EFNA5: variants seen among roughly 807,000 people sequenced by gnomAD.
EFNA5 encodes the protein ephrin-A5.
In EFNA5, 5 loss-of-function variants were observed where a neutral mutation model predicts 22.9. The ratio of observed to expected loss-of-function variants is 0.22; its 90% confidence interval spans 0.11 to 0.46. The LOEUF (loss-of-function observed/expected upper bound fraction) is 0.46, where lower values mean the gene tolerates loss of function less well. Among genes scored for constraint, EFNA5 ranks in the 20% least tolerant of loss-of-function variants. The pLI, the probability that EFNA5 is intolerant of heterozygous loss-of-function variation, is 0.99. For synonymous variants in EFNA5, 113 were observed against 112.2 expected, an observed-to-expected ratio of 1.01 and a Z score of -0.04; for missense variants, 237 against 293.3, an observed-to-expected ratio of 0.81 and a Z score of 1.40.
intron 2 of EFNA5, among the ~76,000 whole-genome samples, chr5:107,395,542 T>C (rs1267076522): frequency 2.0e-5 from 3 of 152,258 alleles, no homozygotes; most frequent in African/African-American, 7.2e-5. Context: ...TTATATATTT[T>C]ACTATTTTTA....
intron 1 of EFNA5, among the ~76,000 whole-genome samples, chr5:107,651,859 T>C (rs558361868): frequency 1.3e-5 from 2 of 152,272 alleles, no homozygotes; most frequent in East Asian, 1.9e-4. Flanking sequence ...TATTCTGTTA[T>C]ATTTACAAAG....
At chr5:107,483,419 A>G (rs922218383) in intron 1 of EFNA5, among the ~76,000 whole-genome samples, 3 of 152,166 alleles carry the variant, frequency 2.0e-5, no homozygotes, top group African/African-American at 7.2e-5. Flanking sequence ...GCTATAAGTC[A>G]CACTCCAGCT....
In EFNA5 at chr5:107,670,887, G is replaced by C; in HGVS notation, c.-274C>G. ...AGGAGGAAAAAGGAATCACAAGATG[G>C]AGAGAAGCGTGCGTGTGTGTGGTGG... On this transcript the variant is annotated 5_prime_UTR_variant, in exon 1 of 5. Transcript: ENST00000333274. 1 of 414,954 alleles carries C rather than the reference G, an allele frequency of 2.4e-6. No individual in the cohort carries two copies. Among genetic ancestry groups the C allele is most frequent in the Non-Finnish European group, 4.3e-6 (1 of 232,720 alleles). 25.7% of individuals were successfully genotyped at this position (414,954 alleles called of 1,614,324 possible).
intron 2 of EFNA5, among the ~76,000 whole-genome samples, chr5:107,389,929 G>C (rs887094027): frequency 3.3e-5 from 5 of 152,180 alleles, no homozygotes; most frequent in Non-Finnish European, 7.3e-5. Flanking sequence ...CTGATGCCTT[G>C]TGATACTGTG....
intron 1 of EFNA5, among the ~76,000 whole-genome samples, chr5:107,542,693 G>A (rs1252684234): frequency 1.3e-5 from 2 of 152,138 alleles, no homozygotes; most frequent in African/African-American, 4.8e-5. Flanking sequence ...TCATGCCTCT[G>A]GGCATCTTAG....
chr5:107,465,800 C>G (rs964606009), intron 1 of EFNA5, among the ~76,000 whole-genome samples: 4 of 151,732 alleles, frequency 2.6e-5, no homozygotes, highest in African/African-American at 9.7e-5. Context: ...GAAAAAGGCC[C>G]CTCACAAAGA....
chr5:107,450,514 G>A (rs1749531869), intron 1 of EFNA5, among the ~76,000 whole-genome samples: 1 of 152,130 alleles, frequency 6.6e-6, no homozygotes, highest in East Asian at 1.9e-4. Context: ...ATTCAAGAGC[G>A]CCTAATGCCT....
intron 1 of EFNA5, among the ~76,000 whole-genome samples, chr5:107,625,674 T>C (rs190130954): frequency 7.2e-5 from 11 of 152,234 alleles, no homozygotes; most frequent in Admixed American, 7.2e-4. Flanking sequence ...AATGTTAAGG[T>C]ATAAAATTAT....
chr5:107,580,891 C>T (rs959481020), intron 1 of EFNA5, among the ~76,000 whole-genome samples: 2 of 152,138 alleles, frequency 1.3e-5, no homozygotes, highest in African/African-American at 2.4e-5. Context: ...TTGTAGAAAT[C>T]ATGGATTTTA....
In EFNA5 at chr5:107,646,557, T is replaced by C. The variant is rs554464125; in HGVS notation, c.125+23932A>G. On this transcript the variant is annotated intron_variant, in intron 1 of 4. Coordinates refer to ENST00000333274, the MANE Select transcript of EFNA5 (RefSeq NM_001962.3). ...GAGGGATAGTAAAGGGTAATACTGA[T>C]TAAACATGTTGGTACTAGTTCTTCC... Among the ~76,000 whole-genome samples, 6 of 152,260 alleles carry C rather than the reference T, an allele frequency of 3.9e-5. No homozygotes were observed. The South Asian group carries it at 6.2e-4, about 16-fold the overall frequency.
intron 2 of EFNA5, among the ~76,000 whole-genome samples, chr5:107,405,896 GTATTTATATACA>G (rs1748197565): frequency 6.9e-6 from 1 of 145,596 alleles, no homozygotes; most frequent in Admixed American, 6.8e-5. Context: ...CATATTCTAT[GTATTTATATACA>G]TAGAATGTAT....
At chr5:107,542,290 T>C (rs978351964) in intron 1 of EFNA5, among the ~76,000 whole-genome samples, 1 of 152,160 alleles carries the variant, frequency 6.6e-6, no homozygotes, top group Non-Finnish European at 1.5e-5. Flanking sequence ...AAGGAAACTG[T>C]CAAAGAATAA....
intron 1 of EFNA5, among the ~76,000 whole-genome samples, chr5:107,654,648 A>G (rs968470554): frequency 6.6e-6 from 1 of 152,156 alleles, no homozygotes; most frequent in Non-Finnish European, 1.5e-5. Context: ...AGAATTTACA[A>G]CTGTCCAAAG....
chr5:107,587,381 G>A (rs1477927040), intron 1 of EFNA5, among the ~76,000 whole-genome samples: 1 of 152,136 alleles, frequency 6.6e-6, no homozygotes, highest in African/African-American at 2.4e-5. Context: ...AAAAGGAGAG[G>A]AAAAGTGGCA....
chr5:107,513,800 A>C (rs1344038341), intron 1 of EFNA5, among the ~76,000 whole-genome samples: 1 of 152,150 alleles, frequency 6.6e-6, no homozygotes, highest in African/African-American at 2.4e-5. Flanking sequence ...CCAAGAACTC[A>C]GAGGGAGGGA....
At chr5:107,544,278 C>T (rs1342857558) in intron 1 of EFNA5, among the ~76,000 whole-genome samples, 1 of 152,174 alleles carries the variant, frequency 6.6e-6, no homozygotes, top group Non-Finnish European at 1.5e-5. Flanking sequence ...CTGAACAAAA[C>T]AGTAAATGCT....
rs1747749855 is a variant in EFNA5 at position 107,390,254 on chromosome 5, T to G, written c.419-2483A>C. ...AATGTAACGTTTAATAAAGTTAAAG[T>G]GTGGCTTTCCTCTATGTTATGCTCA... On this transcript the variant is annotated intron_variant, in intron 2 of 4. Coordinates refer to ENST00000333274, the MANE Select transcript of EFNA5 (RefSeq NM_001962.3). Among the ~76,000 whole-genome samples, 5 of 152,220 alleles carry G rather than the reference T, an allele frequency of 3.3e-5. No individual in the cohort carries two copies. The South Asian group carries it at 1.0e-3, about 32-fold the overall frequency.
intron 1 of EFNA5, among the ~76,000 whole-genome samples, chr5:107,496,696 C>T (rs1370291146): frequency 3.3e-5 from 5 of 152,160 alleles, no homozygotes; most frequent in South Asian, 2.1e-4. Flanking sequence ...CAATAAAGTG[C>T]GCTTAAACAA....
At chr5:107,493,674 G>C (rs1262044301) in intron 1 of EFNA5, among the ~76,000 whole-genome samples, 3 of 152,292 alleles carry the variant, frequency 2.0e-5, no homozygotes, top group Non-Finnish European at 2.9e-5. Flanking sequence ...AATTTTCATG[G>C]GCAAACAGGT....
Sources: gnomAD v4.1 joint callset for allele counts (sites outside exome capture counted in the v4.1 genomes callset) on GRCh38, gnomAD v4.1.1 for gene constraint, MANE v1.5 for transcripts, NCBI Gene and HGNC (gene_info 2026-07-23, HGNC 2026-07-21) for gene names.